COMMD1: variants seen among roughly 807,000 people sequenced by gnomAD.
The protein encoded by COMMD1 is copper metabolism domain containing 1, also known as COMM domain-containing protein 1.
Under a neutral mutation model 17.2 loss-of-function variants are expected in COMMD1, and 10 were observed. The ratio of observed to expected loss-of-function variants is 0.58; its 90% confidence interval spans 0.36 to 0.99. The LOEUF (loss-of-function observed/expected upper bound fraction) is 0.99, where lower values mean the gene tolerates loss of function less well. COMMD1 is among the 50% of genes least tolerant of loss of function. COMMD1 has a pLI of 0.01. For missense variants in COMMD1, 270 were observed against 231.8 expected (o/e 1.17, Z -1.07); for synonymous variants, 97 against 91.6 (o/e 1.06, Z -0.34).
At chr2:62,008,899 T>G (rs1669201454) in intron 2 of COMMD1, among the ~76,000 whole-genome samples, 1 of 152,184 alleles carries the variant, frequency 6.6e-6, no homozygotes, top group African/African-American at 2.4e-5. Context: ...TTCTTCTGCC[T>G]CAGTCTCCCA....
chr2:62,104,654 AC>A (rs1458603893), intron 2 of COMMD1, among the ~76,000 whole-genome samples: 3,262 of 145,260 alleles, frequency 0.022, 62 homozygotes, highest in East Asian at 0.064. Flanking sequence ...AAAAAAAAAA[AC>A]AATAACAACA....
At chr2:62,027,537 C>T (rs1669791941) in intron 2 of COMMD1, among the ~76,000 whole-genome samples, 1 of 152,146 alleles carries the variant, frequency 6.6e-6, no homozygotes, top group African/African-American at 2.4e-5. Flanking sequence ...GGGCATTACT[C>T]TGCATATTTT....
At chr2:62,129,576 G>A (rs1672970329) in intron 2 of COMMD1, among the ~76,000 whole-genome samples, 1 of 152,174 alleles carries the variant, frequency 6.6e-6, no homozygotes, top group African/African-American at 2.4e-5. Context: ...AATGAGTGGT[G>A]AACACAGGTT....
At chr2:61,941,705 A>T (rs1049607677) in intron 1 of COMMD1, among the ~76,000 whole-genome samples, 5 of 152,182 alleles carry the variant, frequency 3.3e-5, no homozygotes, top group African/African-American at 1.2e-4. Context: ...TTCATCAGTG[A>T]TTGTTTAATA....
intron 1 of COMMD1, among the ~76,000 whole-genome samples, chr2:61,928,158 C>CTATT (rs998835832): frequency 3.3e-5 from 5 of 151,558 alleles, no homozygotes; most frequent in South Asian, 2.1e-4. Context: ...AAGCAGGGAG[C>CTATT]TATTTATTTA....
rs142004683 is a variant in COMMD1, at chr2:61,985,330, A to G, written c.181-15371A>G. Among the ~76,000 whole-genome samples the G allele has an allele frequency of 7.3e-3, 1,117 of 152,250 alleles. 16 individuals carry two copies. Among genetic ancestry groups the G allele is most frequent in the African/African-American group, 0.025 (1,045 of 41,568 alleles). On this transcript the variant is annotated intron_variant, in intron 1 of 2. Coordinates refer to ENST00000311832, the MANE Select transcript of COMMD1 (RefSeq NM_152516.4). ...CTCCCAAAGTGCTGGGATTACAGGC[A>G]TGAGCCACCGCACCCGGCCCTATGT... is the stretch of plus-strand genomic sequence containing the variant.
chr2:62,121,107 C>A (rs377306647), intron 2 of COMMD1, among the ~76,000 whole-genome samples: 1 of 151,790 alleles, frequency 6.6e-6, no homozygotes, highest in South Asian at 2.1e-4. Context: ...CAGTGGCTCA[C>A]GCCTGTAATT....
At chr2:62,128,396 G>A (rs902064901) in intron 2 of COMMD1, among the ~76,000 whole-genome samples, 2 of 151,222 alleles carry the variant, frequency 1.3e-5, no homozygotes, top group Non-Finnish European at 2.9e-5. Context: ...ACCCAAAACT[G>A]TAAAAACCCT....
intron 1 of COMMD1, among the ~76,000 whole-genome samples, chr2:61,909,231 A>G (rs1669845537): frequency 6.6e-6 from 1 of 152,126 alleles, no homozygotes. Context: ...TGGCACAAAC[A>G]TGATTTTTAC....
chr2:61,929,658 G>A (rs1003087725), intron 1 of COMMD1, among the ~76,000 whole-genome samples: 2 of 152,200 alleles, frequency 1.3e-5, no homozygotes, highest in Non-Finnish European at 2.9e-5. Context: ...AAGGCCAGGT[G>A]CACTGGCTCA....
chr2:62,086,686 C>T (rs995739918), intron 2 of COMMD1, among the ~76,000 whole-genome samples: 3 of 152,018 alleles, frequency 2.0e-5, no homozygotes, highest in African/African-American at 7.2e-5. Context: ...ACCTAAATGT[C>T]CTCAATGTGA....
At chr2:62,042,767 A>G (rs935479710) in intron 2 of COMMD1, among the ~76,000 whole-genome samples, 7 of 152,192 alleles carry the variant, frequency 4.6e-5, no homozygotes, top group Admixed American at 4.6e-4. Context: ...CACTAGGACT[A>G]CAAGCATAAG....
chr2:61,915,330 T>C (rs1670022200), intron 1 of COMMD1, among the ~76,000 whole-genome samples: 1 of 151,968 alleles, frequency 6.6e-6, no homozygotes, highest in Non-Finnish European at 1.5e-5. Flanking sequence ...TCTTTTTTTC[T>C]ATTCTCTTTC....
chr2:62,052,049 T>A (rs1463350843), intron 2 of COMMD1, among the ~76,000 whole-genome samples: 1 of 152,206 alleles, frequency 6.6e-6, no homozygotes, highest in Non-Finnish European at 1.5e-5. Context: ...ACTCTACAGC[T>A]CACTCAAAAG....
At chr2:62,055,455 T>C (rs1032627619) in intron 2 of COMMD1, 11 of 455,944 alleles carry the variant, frequency 2.4e-5, no homozygotes, top group African/African-American at 4.0e-5. Context: ...TTGCAACCAG[T>C]GATTCACATT....
intron 1 of COMMD1, among the ~76,000 whole-genome samples, chr2:61,947,063 T>G (rs954302367): frequency 2.0e-5 from 3 of 152,204 alleles, no homozygotes; most frequent in Admixed American, 2.0e-4. Context: ...GATTAGTAAA[T>G]TTTATGAATA....
chr2:61,896,713 C>T (rs1669554718), intron 1 of COMMD1, among the ~76,000 whole-genome samples: 1 of 152,050 alleles, frequency 6.6e-6, no homozygotes. Context: ...GTTAAAAGCA[C>T]CTAAAAAACA....
At chr2:61,908,381 A>G (rs1304059533) in intron 1 of COMMD1, among the ~76,000 whole-genome samples, 2 of 150,708 alleles carry the variant, frequency 1.3e-5, no homozygotes, top group African/African-American at 4.9e-5. Flanking sequence ...CATGCACTGC[A>G]GCGCCCAGCT....
chr2:62,001,183 G>T, intron 2 of COMMD1: 2 of 583,490 alleles, frequency 3.4e-6, no homozygotes, highest in Non-Finnish European at 6.1e-6. Context: ...TCAGGGTCCT[G>T]GCAGCTGTCT....
Sources: gnomAD v4.1 joint callset for allele counts (sites outside exome capture counted in the v4.1 genomes callset) on GRCh38, gnomAD v4.1.1 for gene constraint, MANE v1.5 for transcripts, NCBI Gene and HGNC (gene_info 2026-07-23, HGNC 2026-07-21) for gene names.